Variants in RARB observed in about 807,000 individuals in gnomAD.
RARB encodes HBV-activated protein.
In RARB, 17 loss-of-function variants were observed where a neutral mutation model predicts 51.9. The ratio of observed to expected loss-of-function variants is 0.33; its 90% CI spans 0.22 to 0.49. RARB has a LOEUF of 0.49. Ranked by LOEUF, RARB falls within the 20% of genes least tolerant of loss-of-function variation. The probability of loss-of-function intolerance (pLI) is 0.99; values close to 1 mark genes in which losing one functional copy is unlikely to be tolerated. For missense variants in RARB, 369 were observed against 550.8 expected (o/e 0.67, Z 3.30); for synonymous variants, 215 against 195.4 (o/e 1.10, Z -0.84).
chr3:25,244,775 G>A (rs1457608787), intron 5 of RARB, among the ~76,000 whole-genome samples: 1 of 152,162 alleles, frequency 6.6e-6, no homozygotes, highest in East Asian at 1.9e-4. Flanking sequence ...GTGCTGAGAA[G>A]CATGTATATT....
chr3:25,057,605 A>C lies in RARB; in HGVS notation c.-379-2520A>C, dbSNP rs117989252. ...GACTTGGCATAGGAAAGACTTACTC[A>C]TTTGTGGACCCTATGGGATGAGAAC... is the stretch of plus-strand genomic sequence containing the variant. On this transcript the variant is annotated intron_variant, in intron 2 of 11. Coordinates refer to the RARB transcript ENST00000383772. 3.4e-3 allele frequency among the ~76,000 whole-genome samples: 510 copies of C among 152,116 alleles called. 8 individuals carry two copies. In the East Asian group the frequency reaches 0.044, roughly 13 times the overall value.
intron 5 of RARB, among the ~76,000 whole-genome samples, chr3:25,207,963 C>T (rs1701595109): frequency 6.6e-6 from 1 of 151,122 alleles, no homozygotes; most frequent in East Asian, 2.0e-4. Context: ...TTACTCATGG[C>T]AGAAAGCAAA....
At chr3:25,259,686 A>AT (rs1702951021) in intron 5 of RARB, among the ~76,000 whole-genome samples, 2 of 152,176 alleles carry the variant, frequency 1.3e-5, no homozygotes, top group African/African-American at 4.8e-5. Flanking sequence ...TAATTCATAC[A>AT]TTTTTAAATA....
Position 25,066,827 on chromosome 3 carries a change from T to G in RARB, c.-328+6651T>G, listed in dbSNP as rs900370993. Reference sequence around the variant, plus strand: ...CCTTTGTCCTCATCTTATGTAAACCTCACATAATAAGTTATCATCTGAAAA... The same window carrying G: ...CCTTTGTCCTCATCTTATGTAAACCGCACATAATAAGTTATCATCTGAAAA... On this transcript the variant is annotated intron_variant, in intron 3 of 11. Transcript: ENST00000383772. 2.0e-5 allele frequency among the ~76,000 whole-genome samples: 3 copies of G among 152,126 alleles called. No homozygotes were observed. The South Asian group carries it at 6.2e-4, about 32-fold the overall frequency.
chr3:25,208,204 T>A (rs1701603497), intron 5 of RARB, among the ~76,000 whole-genome samples: 1 of 152,188 alleles, frequency 6.6e-6, no homozygotes, highest in African/African-American at 2.4e-5. Flanking sequence ...ACATCTCAAC[T>A]GAAGATTTGG....
chr3:25,193,213 C>G (rs1323861423), intron 5 of RARB, among the ~76,000 whole-genome samples: 4 of 151,992 alleles, frequency 2.6e-5, no homozygotes, highest in African/African-American at 9.7e-5. Flanking sequence ...CACAACTTCT[C>G]TGAACCCTTT....
At chr3:25,557,226 A>G (rs1700100512) in intron 3 of RARB, among the ~76,000 whole-genome samples, 1 of 151,980 alleles carries the variant, frequency 6.6e-6, no homozygotes, top group South Asian at 2.1e-4. Context: ...GGTTATGTCT[A>G]CATCAGCATC....
intron 4 of RARB, among the ~76,000 whole-genome samples, chr3:25,165,334 A>G (rs1700542653): frequency 6.6e-6 from 1 of 151,036 alleles, no homozygotes; most frequent in Non-Finnish European, 1.5e-5. Context: ...TTCTGTATAC[A>G]TTTCCATTTC....
intron 5 of RARB, among the ~76,000 whole-genome samples, chr3:25,382,787 G>T (rs1296699380): frequency 6.6e-6 from 1 of 152,196 alleles, no homozygotes; most frequent in African/African-American, 2.4e-5. Flanking sequence ...GAACCCTGGA[G>T]GCAGAGGTTG....
chr3:25,358,646 A>G (rs1489712771), intron 5 of RARB, among the ~76,000 whole-genome samples: 1 of 152,160 alleles, frequency 6.6e-6, no homozygotes, highest in Non-Finnish European at 1.5e-5. Context: ...ATTTTGAGAT[A>G]TGTTCCATCA....
At chr3:25,079,004 A>G (rs548870643) in intron 3 of RARB, among the ~76,000 whole-genome samples, 41 of 152,166 alleles carry the variant, frequency 2.7e-4, no homozygotes, top group South Asian at 1.2e-3. Context: ...AATAATATTG[A>G]GTATTCTAAG....
intron 2 of RARB, among the ~76,000 whole-genome samples, chr3:25,047,105 C>T (rs1349210947): frequency 6.6e-6 from 1 of 152,128 alleles, no homozygotes; most frequent in African/African-American, 2.4e-5. Context: ...AATTCTCTTC[C>T]ATTTGCAAAG....
intron 5 of RARB, among the ~76,000 whole-genome samples, chr3:25,354,437 A>G (rs552224469): frequency 6.6e-6 from 1 of 152,194 alleles, no homozygotes; most frequent in African/African-American, 2.4e-5. Flanking sequence ...TAAAACTTAT[A>G]TCAACATCCT....
At chr3:25,491,739 A>C (rs1319204203) in intron 2 of RARB, among the ~76,000 whole-genome samples, 4 of 152,160 alleles carry the variant, frequency 2.6e-5, no homozygotes, top group Non-Finnish European at 5.9e-5. Flanking sequence ...CCAGGAGTTC[A>C]AGTCCATCCT....
chr3:25,046,620 A>G (rs1485078141), intron 2 of RARB, among the ~76,000 whole-genome samples: 3 of 151,596 alleles, frequency 2.0e-5, no homozygotes, highest in South Asian at 2.1e-4. Context: ...TGCTCAGCTA[A>G]TTTTTGTATT....
At chr3:25,579,522 T>C (rs1701082255) in intron 4 of RARB, among the ~76,000 whole-genome samples, 1 of 152,100 alleles carries the variant, frequency 6.6e-6, no homozygotes. Context: ...GGTTTATCCA[T>C]GTTGTAGCAT....
intron 5 of RARB, among the ~76,000 whole-genome samples, chr3:25,313,633 A>G (rs1374918973): frequency 6.6e-6 from 1 of 152,180 alleles, no homozygotes; most frequent in Non-Finnish European, 1.5e-5. Context: ...TGCTTTAGGT[A>G]ACTGTAAAAT....
At chr3:25,305,961 C>G (rs976480013) in intron 5 of RARB, among the ~76,000 whole-genome samples, 3 of 152,150 alleles carry the variant, frequency 2.0e-5, no homozygotes, top group Admixed American at 6.5e-5. Context: ...GTTGTTTCTG[C>G]TACTTAAGAA....
At chr3:25,069,605 G>C (rs1698729218) in intron 3 of RARB, among the ~76,000 whole-genome samples, 1 of 152,064 alleles carries the variant, frequency 6.6e-6, no homozygotes. Context: ...TGGATGTAAA[G>C]GCAAGAACAC....
Sources: gnomAD v4.1 joint callset for allele counts (sites outside exome capture counted in the v4.1 genomes callset) on GRCh38, gnomAD v4.1.1 for gene constraint, MANE v1.5 for transcripts, NCBI Gene and HGNC (gene_info 2026-07-23, HGNC 2026-07-21) for gene names.